Variants in FAAH observed in about 807,000 individuals in gnomAD.
The protein encoded by FAAH is fatty-acid amide hydrolase 1.
Under a neutral mutation model 69.7 loss-of-function variants are expected in FAAH, and 63 were observed. The observed-to-expected ratio is 0.90, with a 90% CI of 0.74 to 1.12. The LOEUF is 1.12. Ranked by LOEUF, FAAH falls within the 50% of genes most tolerant of loss-of-function variation. The pLI is 0.00. For missense variants in FAAH, 680 were observed against 755.0 expected, an observed-to-expected ratio of 0.90 and a Z score of 1.16; for synonymous variants, 305 against 324.2, an observed-to-expected ratio of 0.94 and a Z score of 0.64.
At chr1:46,403,736 C>G (rs1664744364) in intron 2 of FAAH, among the ~76,000 whole-genome samples, 1 of 152,270 alleles carries the variant, frequency 6.6e-6, no homozygotes, top group Non-Finnish European at 1.5e-5. Flanking sequence ...CATTCGCCAC[C>G]TGAGGTAGGG....
chr1:46,403,155 G>A (rs577689222), intron 2 of FAAH, among the ~76,000 whole-genome samples: 1 of 150,656 alleles, frequency 6.6e-6, no homozygotes, highest in Admixed American at 6.6e-5. Flanking sequence ...TTTGAGATGG[G>A]AGTCTTGCTC....
At chr1:46,397,299 T>TCTTCCTGC (rs1357583369) in intron 1 of FAAH, among the ~76,000 whole-genome samples, 1 of 152,218 alleles carries the variant, frequency 6.6e-6, no homozygotes, top group Non-Finnish European at 1.5e-5. Context: ...GCAGGATGGG[T>TCTTCCTGC]CTTCCTGCAC....
intron 1 of FAAH, among the ~76,000 whole-genome samples, chr1:46,395,774 C>T (rs1291977702): frequency 1.3e-5 from 2 of 152,224 alleles, no homozygotes; most frequent in Non-Finnish European, 2.9e-5. Context: ...GTGCCCGCTG[C>T]ACTCTGCAGC....
chr1:46,408,627 C>T, intron 8 of FAAH, 43 bp downstream of exon 8: 3 of 1,613,612 alleles, frequency 1.9e-6, no homozygotes, highest in Non-Finnish European at 2.5e-6. Flanking sequence ...CTCCTCCCCT[C>T]ACGGGAAGCC....
intron 9 of FAAH, among the ~76,000 whole-genome samples, chr1:46,409,749 A>T (rs1424373122): frequency 6.6e-6 from 1 of 152,136 alleles, no homozygotes; most frequent in African/African-American, 2.4e-5. Context: ...CCTCCTGGTG[A>T]CATACCTCTG....
At chr1:46,400,939 T>G (rs947515536) in intron 1 of FAAH, among the ~76,000 whole-genome samples, 35 of 5,042 alleles carry the variant, frequency 6.9e-3, no homozygotes, top group African/African-American at 7.2e-3. Context: ...AAGGGAAGGG[T>G]AGAGGGGGAG....
Position 46,413,720 on chromosome 1 carries a change from G to A in FAAH, c.*145G>A, listed in dbSNP as rs1664959356. 8.4e-6 allele frequency: 10 copies of A among 1,191,796 alleles called. No homozygotes were observed. Among genetic ancestry groups the A allele is most frequent in the South Asian group, 5.2e-5 (4 of 76,480 alleles). The allele number at this position is 1,191,796 out of a possible 1,614,324, so 73.8% of individuals were successfully genotyped here. On this transcript the variant is annotated 3_prime_UTR_variant, in exon 15 of 15. Transcript: ENST00000243167. ...TCTCCCCCAACCCCCTGCAAGAAGC[G>A]CCGACTCCCTGAGTCTGGACCTCCA...
chr1:46,408,709 T>C, intron 8 of FAAH, 125 bp downstream of exon 8: 1 of 1,454,100 alleles, frequency 6.9e-7, no homozygotes, highest in Non-Finnish European at 9.6e-7. Context: ...GGGTGAACTG[T>C]GACCCTGTGG....
At chr1:46,401,364 CT>C (rs1664700703) in intron 1 of FAAH, among the ~76,000 whole-genome samples, 2 of 152,120 alleles carry the variant, frequency 1.3e-5, no homozygotes, top group African/African-American at 2.4e-5. Context: ...GGAACACTCA[CT>C]GTGAGGGTCT....
At chr1:46,403,459 C>T (rs2148447845) in intron 2 of FAAH, among the ~76,000 whole-genome samples, 1 of 152,344 alleles carries the variant, frequency 6.6e-6, no homozygotes, top group African/African-American at 2.4e-5. Context: ...TGGCCCGCCA[C>T]CACCATCTCC....
intron 13 of FAAH, among the ~76,000 whole-genome samples, chr1:46,412,789 T>C (rs1306360778): frequency 6.6e-6 from 1 of 152,022 alleles, no homozygotes; most frequent in Non-Finnish European, 1.5e-5. Flanking sequence ...CCAGCCTGGG[T>C]GACAGAGTGA....
chr1:46,408,698 G>A (rs372568563), intron 8 of FAAH, 114 bp downstream of exon 8: 15 of 1,512,864 alleles, frequency 9.9e-6, no homozygotes, highest in Middle Eastern at 2.2e-4. Context: ...TGTTGTCGTC[G>A]GGGTGAACTG....
intron 7 of FAAH, 142 bp from the exon 8 acceptor site, chr1:46,408,317 G>C (rs989924511): frequency 9.5e-7 from 1 of 1,047,898 alleles, no homozygotes; most frequent in African/African-American, 1.6e-5. Flanking sequence ...TTTTATGAAA[G>C]GGTCAGATGC....
chr1:46,412,135 C>T lies in FAAH; in HGVS notation c.1357-8C>T. 6.4e-7 allele frequency: 1 copy of T among 1,553,796 alleles called. No individual in the cohort carries two copies. The highest frequency in any genetic ancestry group is 1.4e-5 in the African/African-American group (1 of 73,282). ...GTGCTTTCACCTGGTGTGTTGTGTC[C>T]TCCGCAGGTGTACCGCAAAACCGTG... On this transcript the variant is annotated splice_polypyrimidine_tract_variant and splice_region_variant and intron_variant, in intron 12 of 14. Transcript: ENST00000243167.
In FAAH at chr1:46,405,188, C is replaced by G; in HGVS notation, c.444+40C>G. ...AGCGCCAGGCCTCCATCGTCCCCTC[C>G]ATCCCTGCCAGCCTGCTCTGCATCT... On this transcript the variant is annotated intron_variant, in intron 3 of 14. Transcript: ENST00000243167. The surrounding 1 kb of genome is among the most constrained non-coding windows in gnomAD (Gnocchi z 4.1). The G allele has an allele frequency of 6.2e-7, 1 of 1,613,466 alleles. No individual in the cohort carries two copies. The highest frequency in any genetic ancestry group is 1.1e-5 in the South Asian group (1 of 91,060).
At position 46,399,899 on chromosome 1, in the gene FAAH, T is replaced by A. The variant is rs192614048; in HGVS notation, c.196-2192T>A. On this transcript the variant is annotated intron_variant, in intron 1 of 14. Transcript: ENST00000243167. ...CACCAGAAACTGTTAATTATAGTTT[T>A]CCTTTATAGAGGAGGGACTGTGCAA... 2.5e-3 allele frequency among the ~76,000 whole-genome samples: 380 copies of A among 152,298 alleles called. 1 individual carries two copies. The highest frequency in any genetic ancestry group is 4.1e-3 in the Admixed American group (62 of 15,306).
At position 46,404,625 on chromosome 1, in the gene FAAH, C is replaced by T. The variant is rs10157766; in HGVS notation, c.310-389C>T. On this transcript the variant is annotated intron_variant, in intron 2 of 14. Transcript: ENST00000243167. This position sits in a 1 kb window ranked among gnomAD's most constrained non-coding sequence, Gnocchi z 4.5. ...CCCTTCAGTGTGACCAGTGATGGGG[C>T]GCTGCCCCTGTCTGGTTTCTGTCTG... 0.015 allele frequency among the ~76,000 whole-genome samples: 2,220 copies of T among 152,256 alleles called. 63 individuals are homozygous for T. The highest frequency in any genetic ancestry group is 0.051 in the African/African-American group (2,098 of 41,534).
rs138838722 is a variant in FAAH at position 46,399,714 on chromosome 1, A to G, written c.196-2377A>G. Among the ~76,000 whole-genome samples, 241 of 152,346 alleles carry G rather than the reference A, an allele frequency of 1.6e-3. 4 individuals carry two copies. The highest frequency in any genetic ancestry group is 5.5e-3 in the African/African-American group (229 of 41,570). ...ACAATGAACCTGTATTTATATAATGAAAACAAAAATAAAGCAAAATTTGAT... is the reference window on the plus strand; with the variant it reads ...ACAATGAACCTGTATTTATATAATGGAAACAAAAATAAAGCAAAATTTGAT... On this transcript the variant is annotated intron_variant, in intron 1 of 14. Transcript: ENST00000243167.
chr1:46,402,962 G>A (rs1181148358), intron 2 of FAAH, among the ~76,000 whole-genome samples: 1 of 152,058 alleles, frequency 6.6e-6, no homozygotes, highest in African/African-American at 2.4e-5. Flanking sequence ...CAAAGTGCTG[G>A]GGTTACAGCT....
Sources: allele counts gnomAD v4.1 joint callset (sites outside exome capture counted in the v4.1 genomes callset), GRCh38; gene constraint gnomAD v4.1.1; non-coding constraint Gnocchi (gnomAD v3.1); transcripts MANE v1.5; gene names NCBI Gene and HGNC (gene_info 2026-07-23, HGNC 2026-07-21).